Variants in AGAP1 observed in about 807,000 individuals in gnomAD.
AGAP1 encodes the protein ArfGAP with GTPase domain, ankyrin repeat and PH domain 1, also known as arf-GAP with GTPase, ANK repeat and PH domain-containing protein 1.
In AGAP1, 29 loss-of-function variants were observed where a neutral mutation model predicts 105.3. That is an observed-to-expected ratio of 0.28 (90% CI 0.21 to 0.38). AGAP1 has a LOEUF of 0.38. Ranked by LOEUF, AGAP1 falls within the 10% of genes least tolerant of loss-of-function variation. The pLI is 1.00. For synonymous variants in AGAP1, 509 were observed against 485.9 expected, an observed-to-expected ratio of 1.05 and a Z score of -0.63; for missense variants, 998 against 1,165.1, an observed-to-expected ratio of 0.86 and a Z score of 2.09.
At chr2:235,995,824 C>A (rs1236095088) in intron 13 of AGAP1, among the ~76,000 whole-genome samples, 1 of 152,144 alleles carries the variant, frequency 6.6e-6, no homozygotes, top group Non-Finnish European at 1.5e-5. Flanking sequence ...TGGTGGTATT[C>A]CTTTCTTTCT....
chr2:235,602,181 TGTG>T, intron 1 of AGAP1, among the ~76,000 whole-genome samples: 1 of 152,150 alleles, frequency 6.6e-6, no homozygotes, highest in South Asian at 2.1e-4. Flanking sequence ...AAGCATAACT[TGTG>T]GTGCATGACA....
At chr2:236,122,747 A>G (rs1373728076) in intron 17 of AGAP1, among the ~76,000 whole-genome samples, 1 of 141,606 alleles carries the variant, frequency 7.1e-6, no homozygotes, top group African/African-American at 2.7e-5. Context: ...CAGTGGCACG[A>G]TCTCGGCTCA....
In AGAP1 at chr2:235,931,511, GC is replaced by G. The variant is rs1467122593; in HGVS notation, c.1483+590del. Among the ~76,000 whole-genome samples the G allele has an allele frequency of 3.3e-5, 5 of 152,038 alleles. No individual in the cohort carries two copies. The East Asian group carries it at 9.7e-4, about 30-fold the overall frequency. On this transcript the variant is annotated intron_variant, in intron 12 of 17. Coordinates refer to ENST00000304032, the MANE Select transcript of AGAP1 (RefSeq NM_001037131.3). The surrounding 1 kb of genome is among the most constrained non-coding windows in gnomAD (Gnocchi z 5.6). ...AAGCATGCACGTTGGAAACGATCTC[GC>G]CGTCTGTGTGGAGCGTGAATGACGC... is the stretch of plus-strand genomic sequence containing the variant.
In AGAP1 at chr2:236,125,624, C is replaced by T. The variant is rs2059991046; in HGVS notation, c.*1502C>T. The T allele has an allele frequency of 1.3e-5, 2 of 152,172 alleles. 1 individual carries two copies. The highest frequency in any genetic ancestry group is 1.3e-4 in the Admixed American group (2 of 15,282). 9.4% of individuals were successfully genotyped at this position (152,172 alleles called of 1,614,324 possible). ...ATGGGGTGGTTTTCCGAATGCCAGA[C>T]CGAGGTGCCTTACGAAGGCAGCTGC... On this transcript the variant is annotated 3_prime_UTR_variant, in exon 18 of 18. Coordinates refer to ENST00000304032, the MANE Select transcript of AGAP1 (RefSeq NM_001037131.3). This position sits in a 1 kb window ranked among gnomAD's most constrained non-coding sequence, Gnocchi z 5.2.
intron 1 of AGAP1, among the ~76,000 whole-genome samples, chr2:235,545,691 G>A (rs1273675210): frequency 2.0e-5 from 3 of 152,150 alleles, no homozygotes; most frequent in Admixed American, 2.0e-4. Flanking sequence ...GTGCTCCCCC[G>A]GATTACTTGG....
At chr2:235,521,152 G>C (rs1241306134) in intron 1 of AGAP1, among the ~76,000 whole-genome samples, 2 of 152,218 alleles carry the variant, frequency 1.3e-5, no homozygotes, top group African/African-American at 4.8e-5. Context: ...ACCAGAATGA[G>C]TTCAACGTGC....
chr2:235,498,820 T>A (rs540113904), intron 1 of AGAP1, among the ~76,000 whole-genome samples: 1 of 152,150 alleles, frequency 6.6e-6, no homozygotes, highest in Admixed American at 6.5e-5. Context: ...AGGTGGCCGA[T>A]GAGAGGAAAC....
rs1310030735 is a variant in AGAP1 at position 235,723,628 on chromosome 2, G to A, written c.310+5984G>A. The stretch of plus-strand genomic sequence containing the variant: ...GCTGTGCAGGTTAGCTTGTGTGCCA[G>A]AAGGACCTGAGGACCAGAAAAGCTG... On this transcript the variant is annotated intron_variant, in intron 3 of 17. Transcript: ENST00000304032. This position sits in a 1 kb window ranked among gnomAD's most constrained non-coding sequence, Gnocchi z 6.2. Among the ~76,000 whole-genome samples, 1 of 152,236 alleles carries A rather than the reference G, an allele frequency of 6.6e-6. No homozygotes were observed. Among genetic ancestry groups the A allele is most frequent in the Non-Finnish European group, 1.5e-5 (1 of 68,048 alleles).
At chr2:235,707,784 C>T (rs919943612) in intron 1 of AGAP1, among the ~76,000 whole-genome samples, 1 of 150,178 alleles carries the variant, frequency 6.7e-6, no homozygotes, top group African/African-American at 2.5e-5. Flanking sequence ...GTGCTCCCTC[C>T]CCAGCGTGTG....
In AGAP1 at chr2:236,010,060, TGTTCA is replaced by T. The variant is rs1052771242; in HGVS notation, c.1646-26497_1646-26493del. Among the ~76,000 whole-genome samples, 25 of 151,900 alleles carry T rather than the reference TGTTCA, an allele frequency of 1.6e-4. No homozygotes were observed. In the East Asian group the frequency reaches 2.9e-3, roughly 18 times the overall value. The stretch of plus-strand genomic sequence containing the variant: ...CAGTCAAAAGAGTCTCAGTTTGAAG[TGTTCA>T]GTTAAGTTTAAGTCTCAGTGATAAG... On this transcript the variant is annotated intron_variant, in intron 13 of 17. Transcript: ENST00000304032.
intron 9 of AGAP1, among the ~76,000 whole-genome samples, chr2:235,825,842 A>T (rs1174624921): frequency 6.6e-6 from 1 of 152,226 alleles, no homozygotes; most frequent in African/African-American, 2.4e-5. Context: ...CTATACATTT[A>T]AAAATAACTT....
At position 235,700,292 on chromosome 2, in the gene AGAP1, T is replaced by C. The variant is rs904479014; in HGVS notation, c.164-8887T>C. Among the ~76,000 whole-genome samples the C allele has an allele frequency of 5.9e-5, 9 of 152,168 alleles. No individual in the cohort carries two copies. Among genetic ancestry groups the C allele is most frequent in the Admixed American group, 2.0e-4 (3 of 15,274 alleles). On this transcript the variant is annotated intron_variant, in intron 1 of 17. Coordinates refer to ENST00000304032, the MANE Select transcript of AGAP1 (RefSeq NM_001037131.3). This position sits in a 1 kb window ranked among gnomAD's most constrained non-coding sequence, Gnocchi z 6.1. The stretch of plus-strand genomic sequence containing the variant: ...AGCTGTGCTCCACTCCTCAAGGCTG[T>C]AGGTGGGCCTCTGTTTTCACATTTT...
chr2:235,722,951 A>G (rs992466164), intron 3 of AGAP1, among the ~76,000 whole-genome samples: 6 of 152,198 alleles, frequency 3.9e-5, no homozygotes, highest in African/African-American at 1.4e-4. Flanking sequence ...TTTACAAATT[A>G]GCGTTGGGCC....
chr2:235,622,451 T>C lies in AGAP1; in HGVS notation c.164-86728T>C, dbSNP rs1314893017. On this transcript the variant is annotated intron_variant, in intron 1 of 17. Coordinates refer to ENST00000304032, the MANE Select transcript of AGAP1 (RefSeq NM_001037131.3). This position sits in a 1 kb window ranked among gnomAD's most constrained non-coding sequence, Gnocchi z 5.0. ...GGGTGATGAATGGATCTAGACCTGG[T>C]GCCTGGACTCAATCTGCAGAGACAG... is the stretch of plus-strand genomic sequence containing the variant. Among the ~76,000 whole-genome samples the C allele has an allele frequency of 6.6e-6, 1 of 152,176 alleles. No homozygotes were observed. The highest frequency in any genetic ancestry group is 2.4e-5 in the African/African-American group (1 of 41,442).
intron 9 of AGAP1, among the ~76,000 whole-genome samples, chr2:235,821,965 G>C (rs1958812861): frequency 6.6e-6 from 1 of 152,214 alleles, no homozygotes; most frequent in Non-Finnish European, 1.5e-5. Context: ...TTTCTGGCAG[G>C]AAAACCACAG....
intron 12 of AGAP1, among the ~76,000 whole-genome samples, chr2:235,945,154 G>A (rs2125234031): frequency 6.6e-6 from 1 of 152,314 alleles, no homozygotes; most frequent in Admixed American, 6.5e-5. Context: ...AGGCTGGAGT[G>A]CAGTGGCGCG....
In AGAP1 at chr2:235,986,198, T is replaced by C. The variant is rs1185220803; in HGVS notation, c.1645+17575T>C. On this transcript the variant is annotated intron_variant, in intron 13 of 17. Coordinates refer to ENST00000304032, the MANE Select transcript of AGAP1 (RefSeq NM_001037131.3). ...CACGTCCTTCACATCCCTTGTTAGT[T>C]GTATTCCCAGGTATTTTATTGTCTT... Among the ~76,000 whole-genome samples, 6 of 152,170 alleles carry C rather than the reference T, an allele frequency of 3.9e-5. No homozygotes were observed. In the South Asian group the frequency reaches 1.2e-3, roughly 32 times the overall value.
chr2:235,663,326 A>G lies in AGAP1; in HGVS notation c.164-45853A>G, dbSNP rs1426759757. Among the ~76,000 whole-genome samples the G allele has an allele frequency of 6.6e-6, 1 of 151,980 alleles. No individual in the cohort carries two copies. The highest frequency in any genetic ancestry group is 6.6e-5 in the Admixed American group (1 of 15,264). ...CTCTGTCTCAAAAAAAAAGAAGGGGAGCGATCACGTGCATCCCTCTGCTGA... is the reference window on the plus strand; with the variant it reads ...CTCTGTCTCAAAAAAAAAGAAGGGGGGCGATCACGTGCATCCCTCTGCTGA... On this transcript the variant is annotated intron_variant, in intron 1 of 17. Transcript: ENST00000304032. This position sits in a 1 kb window ranked among gnomAD's most constrained non-coding sequence, Gnocchi z 5.4.
At position 235,867,119 on chromosome 2, in the gene AGAP1, C is replaced by A. The variant is rs2049209262; in HGVS notation, c.1051-16226C>A. Among the ~76,000 whole-genome samples, 1 of 152,180 alleles carries A rather than the reference C, an allele frequency of 6.6e-6. No homozygotes were observed. Among genetic ancestry groups the A allele is most frequent in the African/African-American group, 2.4e-5 (1 of 41,444 alleles). On this transcript the variant is annotated intron_variant, in intron 9 of 17. Transcript: ENST00000304032. The surrounding 1 kb of genome is among the most constrained non-coding windows in gnomAD (Gnocchi z 5.4). The stretch of plus-strand genomic sequence containing the variant: ...TCACCAGGATGGCCAGAGGAAGGGG[C>A]AGGATGCAAGAAGGACATTTCAGGG...
Sources: allele counts gnomAD v4.1 joint callset (sites outside exome capture counted in the v4.1 genomes callset), GRCh38; gene constraint gnomAD v4.1.1; non-coding constraint Gnocchi (gnomAD v3.1); transcripts MANE v1.5; gene names NCBI Gene and HGNC (gene_info 2026-07-23, HGNC 2026-07-21).